The following ROS1 variants were observed in gnomAD, a reference collection of about 807,000 sequenced individuals.
The protein encoded by ROS1 is proto-oncogene tyrosine-protein kinase ROS.
In ROS1, 263 loss-of-function variants were observed where a neutral mutation model predicts 273.5. That is an observed-to-expected ratio of 0.96 (90% CI 0.87 to 1.06). The LOEUF (loss-of-function observed/expected upper bound fraction) is 1.06, where lower values mean the gene tolerates loss of function less well. ROS1 is among the 50% of genes least tolerant of loss of function. The pLI is 0.00. For missense variants in ROS1, 2,833 were observed against 2,751.1 expected (o/e 1.03, Z -0.67); for synonymous variants, 1,008 against 954.1 (o/e 1.06, Z -1.04).
intron 1 of ROS1, among the ~76,000 whole-genome samples, chr6:117,418,848 A>T (rs137861558): frequency 2.1e-3 from 319 of 152,318 alleles, no homozygotes; most frequent in African/African-American, 7.5e-3. Context: ...CTGTGTTCAG[A>T]CTTTTCCTTT....
At chr6:117,306,264 G>A (rs1486475199) in intron 42 of ROS1, among the ~76,000 whole-genome samples, 3 of 152,166 alleles carry the variant, frequency 2.0e-5, no homozygotes, top group East Asian at 1.9e-4. Flanking sequence ...GGAGAGATCC[G>A]ATTAGTATCT....
chr6:117,399,377 G>C (rs1417866587), intron 7 of ROS1, among the ~76,000 whole-genome samples: 1 of 152,244 alleles, frequency 6.6e-6, no homozygotes, highest in Non-Finnish European at 1.5e-5. Flanking sequence ...TCCTAGGCCA[G>C]TGTTTGGTCT....
At chr6:117,406,104 C>G (rs567768385) in intron 5 of ROS1, among the ~76,000 whole-genome samples, 2 of 152,162 alleles carry the variant, frequency 1.3e-5, no homozygotes, top group South Asian at 4.2e-4. Context: ...GTGATTGTGC[C>G]CCTGTACTCC....
rs376538362 is a variant in ROS1 at position 117,389,747 on chromosome 6, C to T, written c.1389G>A (p.Thr463=). 1.9e-5 allele frequency: 31 copies of T among 1,613,994 alleles called. No individual in the cohort carries two copies. The highest frequency in any genetic ancestry group is 2.2e-5 in the East Asian group (1 of 44,886). The part of the protein sequence containing the change: ...AEAVRIVESC[T]LKDFAIKPQA... Reference sequence around the variant, plus strand: ...GTGGCTTGATTGCAAAGTCCTTTAACGTGCAACTCTCCACAATACGCACAG... The same window carrying T: ...GTGGCTTGATTGCAAAGTCCTTTAATGTGCAACTCTCCACAATACGCACAG... Residue 463 remains threonine, a synonymous_variant, in exon 13 of 44, where the codon ACG becomes ACA. Transcript: ENST00000368507.
Position 117,387,885 on chromosome 6 carries a change from G to GT in ROS1, c.1893dup (p.Pro632ThrfsTer2), listed in dbSNP as rs779596579. ...TATTTCATAGCACTCTGCAGCTCAG[G>GT]TACATTCAGCATGGTTCCACTTATG... On this transcript the variant is annotated frameshift_variant, in exon 14 of 44. Transcript: ENST00000368507. LOFTEE classifies it high-confidence loss of function. 1.9e-6 allele frequency: 3 copies of GT among 1,614,178 alleles called. No individual in the cohort carries two copies. Among genetic ancestry groups the GT allele is most frequent in the South Asian group, 2.2e-5 (2 of 91,084 alleles).
At chr6:117,415,118 G>T (rs1385545390) in intron 3 of ROS1, among the ~76,000 whole-genome samples, 1 of 152,196 alleles carries the variant, frequency 6.6e-6, no homozygotes, top group Non-Finnish European at 1.5e-5. Flanking sequence ...TACATGTTGG[G>T]ATAAAAGATA....
At position 117,321,363 on chromosome 6, in the gene ROS1, A is replaced by C. The variant is rs1215308837; in HGVS notation, c.5655T>G (p.Ser1885Arg). The C allele has an allele frequency of 6.2e-7, 1 of 1,612,998 alleles. No individual in the cohort carries two copies. Among genetic ancestry groups the C allele is most frequent in the Admixed American group, 1.7e-5 (1 of 59,692 alleles). Residue 1885 changes from serine (S) to arginine (R), a missense_variant, in exon 36 of 44, where the codon AGT becomes AGG. Physicochemically the swap from Ser to Arg is moderately radical, Grantham distance 110. Coordinates refer to ENST00000368507, the MANE Select transcript of ROS1 (RefSeq NM_001378902.1). ...VWHRRLKNQK[S>R]AKEGVTVLIN... ...TAAGCACTGTCACCCCTTCCTTGGC[A>C]CTTTTTTGATTCTTTAATCTTCTAT...
In ROS1 at chr6:117,425,820, C is replaced by T. The variant is rs1776096469; in HGVS notation, c.-164G>A. 3.0e-6 allele frequency: 2 copies of T among 672,008 alleles called. No individual in the cohort carries two copies. Among genetic ancestry groups the T allele is most frequent in the Non-Finnish European group, 4.9e-6 (2 of 405,416 alleles). 41.6% of individuals were successfully genotyped at this position (672,008 alleles called of 1,614,324 possible). ...CTTGCCTTTTGAAATAATACTTAGC[C>T]TTTTTCATTTAGACCTTTGAATGCT... On this transcript the variant is annotated 5_prime_UTR_variant, in exon 1 of 44. Transcript: ENST00000368507.
intron 5 of ROS1, among the ~76,000 whole-genome samples, chr6:117,405,105 A>G (rs1397464802): frequency 6.6e-6 from 1 of 152,210 alleles, no homozygotes; most frequent in Non-Finnish European, 1.5e-5. Context: ...CAAAATTGTG[A>G]TGAATTTAAT....
At chr6:117,304,256 G>A (rs1231341186) in intron 42 of ROS1, among the ~76,000 whole-genome samples, 1 of 152,176 alleles carries the variant, frequency 6.6e-6, no homozygotes, top group Admixed American at 6.5e-5. Context: ...AGGATCATTA[G>A]CCTTTGAAAT....
chr6:117,334,654 A>G (rs1163743961), intron 32 of ROS1, among the ~76,000 whole-genome samples: 1 of 152,154 alleles, frequency 6.6e-6, no homozygotes, highest in Non-Finnish European at 1.5e-5. Context: ...ATATAGACCA[A>G]TGGAGCAGAA....
rs373813252 is a variant in ROS1, at chr6:117,394,233, C to T, written c.1120G>A (p.Gly374Ser). The change falls in exon 11 of 44, where the codon GGT becomes AGT. Residue 374 changes from glycine (G) to serine (S), a missense_variant. Physicochemically the swap from Gly to Ser is moderately conservative, Grantham distance 56. Transcript: ENST00000368507. ...GAGATAGAAGAAATTAATCCTGAAC[C>T]TCTGTAAAAAATTCTCAGGTCAGAT... ...DVSDLRIFYR[G>S]SGLISSISID... 3 of 1,610,082 alleles carry T rather than the reference C, an allele frequency of 1.9e-6. No homozygotes were observed. Among genetic ancestry groups the T allele is most frequent in the Middle Eastern group, 1.7e-4 (1 of 6,054 alleles).
intron 7 of ROS1, among the ~76,000 whole-genome samples, chr6:117,401,528 A>G (rs1276288228): frequency 6.6e-6 from 1 of 151,558 alleles, no homozygotes; most frequent in African/African-American, 2.4e-5. Context: ...TTTTTGTTTT[A>G]TCTTTTATTG....
rs1211839682 is a variant in ROS1 at position 117,394,683 on chromosome 6, T to A, written c.939A>T (p.Arg313Ser). The A allele has an allele frequency of 1.9e-6, 3 of 1,612,210 alleles. No homozygotes were observed. In the East Asian group the frequency reaches 6.7e-5, roughly 36 times the overall value. ...CTTCATCTACTAAATGTTTTAAAGA[T>A]CTCTTTCTTAGAGAAGTTTTTCTGG... ...FLSRKTSLRK[R>S]SLKHLVDEAH... Residue 313 changes from arginine (R) to serine (S), a missense_variant, in exon 10 of 44, where the codon AGA (arginine) becomes AGT (serine). Transcript: ENST00000368507.
At chr6:117,302,644 C>A (rs1038641660) in intron 42 of ROS1, among the ~76,000 whole-genome samples, 3 of 152,184 alleles carry the variant, frequency 2.0e-5, no homozygotes, top group Non-Finnish European at 4.4e-5. Flanking sequence ...CTGCTGTAGG[C>A]CCACAGGGTG....
At position 117,344,112 on chromosome 6, in the gene ROS1, T is replaced by C. The variant is rs373575161; in HGVS notation, c.4454A>G (p.Tyr1485Cys). 5.0e-6 allele frequency: 8 copies of C among 1,613,938 alleles called. No individual in the cohort carries two copies. The highest frequency in any genetic ancestry group is 6.8e-6 in the Non-Finnish European group (8 of 1,179,956). ...TSPTPTYLVY[Y>C]AEVNDRKNSS... The stretch of plus-strand genomic sequence containing the variant: ...GTTTTTCCTGTCATTAACTTCTGCA[T>C]AATAAACCAGGTATGTTGGAGTAGG... The change falls in exon 28 of 44, where the codon TAT becomes TGT. Residue 1485 changes from tyrosine (Y) to cysteine (C), a missense_variant. Tyr to Cys is a radical substitution (Grantham distance 194). Coordinates refer to ENST00000368507, the MANE Select transcript of ROS1 (RefSeq NM_001378902.1).
chr6:117,388,023 T>C (rs1772736986), intron 13 of ROS1, 31 bp from the exon 14 acceptor site: 11 of 1,613,654 alleles, frequency 6.8e-6, no homozygotes, highest in Non-Finnish European at 9.3e-6. Context: ...ATATCACTGA[T>C]CAGGATGACA....
chr6:117,342,321 T>A, intron 29 of ROS1, 79 bp downstream of exon 29: 1 of 1,342,950 alleles, frequency 7.4e-7, no homozygotes, highest in Non-Finnish European at 1.0e-6. Context: ...ATTCAGATTT[T>A]AAAAAATAAA....
chr6:117,353,751 A>G (rs1222815147), intron 26 of ROS1, among the ~76,000 whole-genome samples: 2 of 152,244 alleles, frequency 1.3e-5, no homozygotes, highest in Non-Finnish European at 2.9e-5. Flanking sequence ...TTTCATATCA[A>G]TTCTGTAAAT....
Sources: allele counts gnomAD v4.1 joint callset (sites outside exome capture counted in the v4.1 genomes callset), GRCh38; gene constraint gnomAD v4.1.1; transcripts MANE v1.5; gene names NCBI Gene and HGNC (gene_info 2026-07-23, HGNC 2026-07-21).